The following CTNNA3 variants were observed in gnomAD, a reference collection of about 807,000 sequenced individuals.
The protein encoded by CTNNA3 is catenin alpha 3.
Under a neutral mutation model 95.7 loss-of-function variants are expected in CTNNA3, and 76 were observed. The observed-to-expected ratio is 0.79, with a 90% CI of 0.66 to 0.96. The LOEUF (loss-of-function observed/expected upper bound fraction) is 0.96. Among genes scored for constraint, CTNNA3 ranks in the 40% least tolerant of loss-of-function variants. The pLI is 0.00. For missense variants in CTNNA3, 1,191 were observed against 1,089.8 expected (o/e 1.09, Z -1.31); for synonymous variants, 431 against 374.4 (o/e 1.15, Z -1.74).
At chr10:67,136,172 T>C (rs892389409) in intron 7 of CTNNA3, among the ~76,000 whole-genome samples, 1 of 152,112 alleles carries the variant, frequency 6.6e-6, no homozygotes, top group African/African-American at 2.4e-5. Context: ...TTTTGTTTGG[T>C]TGGTTTTTTT....
intron 11 of CTNNA3, among the ~76,000 whole-genome samples, chr10:66,448,691 G>C (rs978090718): frequency 2.6e-5 from 4 of 151,906 alleles, no homozygotes; most frequent in Admixed American, 6.6e-5. Flanking sequence ...GTGGGGGAAG[G>C]GGGGTGGGAT....
intron 12 of CTNNA3, among the ~76,000 whole-genome samples, chr10:66,333,237 G>T (rs2092353246): frequency 6.6e-6 from 1 of 151,834 alleles, no homozygotes; most frequent in Admixed American, 6.6e-5. Context: ...CTTCAGTTCT[G>T]CTCTGATCTT....
intron 5 of CTNNA3, among the ~76,000 whole-genome samples, chr10:67,239,361 G>A (rs1229906629): frequency 4.0e-5 from 2 of 49,442 alleles, no homozygotes; most frequent in Non-Finnish European, 8.4e-5. Context: ...ACAGCTACAC[G>A]TGATAAAAAA....
chr10:67,366,199 G>A (rs1320634519), intron 5 of CTNNA3, among the ~76,000 whole-genome samples: 1 of 152,012 alleles, frequency 6.6e-6, no homozygotes, highest in African/African-American at 2.4e-5. Flanking sequence ...CACACACCAG[G>A]GCCTGTCGGG....
At chr10:65,930,431 C>A (rs2077234890) in intron 17 of CTNNA3, among the ~76,000 whole-genome samples, 1 of 152,080 alleles carries the variant, frequency 6.6e-6, no homozygotes, top group South Asian at 2.1e-4. Context: ...TGCTTGTCAG[C>A]AGTCTGTCAA....
chr10:66,084,135 C>CAAAAAAAAAAAAAA (rs200266418), intron 14 of CTNNA3, among the ~76,000 whole-genome samples: 2 of 80,106 alleles, frequency 2.5e-5, no homozygotes. Flanking sequence ...AACTTCATCT[C>CAAAAAAAAAAAAAA]AAAAAAAAAA....
In CTNNA3 at chr10:67,725,556, C is replaced by A. The variant is rs537151934; in HGVS notation, c.-2+37878G>T. Among the ~76,000 whole-genome samples, 3 of 151,962 alleles carry A rather than the reference C, an allele frequency of 2.0e-5. No individual in the cohort carries two copies. In the East Asian group the frequency reaches 5.8e-4, roughly 29 times the overall value. ...ACACTTTTATTTCTCCCAGTGTTAT[C>A]ATTTGTCACATATCAGAGTCCCCTA... On this transcript the variant is annotated intron_variant, in intron 1 of 17. Coordinates refer to the CTNNA3 transcript ENST00000684154.
chr10:66,756,374 C>CTT (rs1839362725), intron 9 of CTNNA3, among the ~76,000 whole-genome samples: 1 of 152,124 alleles, frequency 6.6e-6, no homozygotes, highest in African/African-American at 2.4e-5. Flanking sequence ...CTTCAAGTTG[C>CTT]TTATACTTAA....
intron 8 of CTNNA3, among the ~76,000 whole-genome samples, chr10:66,772,658 AATACTC>A (rs1292698476): frequency 3.3e-5 from 5 of 152,166 alleles, no homozygotes; most frequent in African/African-American, 7.2e-5. Context: ...GAAACAAATA[AATACTC>A]TCGCCTCCTA....
chr10:65,925,176 AC>A (rs1314758863), intron 17 of CTNNA3, among the ~76,000 whole-genome samples: 1 of 152,164 alleles, frequency 6.6e-6, no homozygotes, highest in Non-Finnish European at 1.5e-5. Flanking sequence ...TATCCATTCT[AC>A]CCAAACACTA....
chr10:67,500,227 C>T (rs1219277304), intron 5 of CTNNA3, among the ~76,000 whole-genome samples: 3 of 152,046 alleles, frequency 2.0e-5, no homozygotes, highest in Admixed American at 6.5e-5. Flanking sequence ...TCAGTTTCCT[C>T]GTAGTTGTGC....
intron 11 of CTNNA3, among the ~76,000 whole-genome samples, chr10:66,480,881 G>C (rs1318758200): frequency 1.3e-5 from 2 of 152,142 alleles, no homozygotes; most frequent in East Asian, 3.9e-4. Flanking sequence ...GGGATTACAG[G>C]CGTGAGCCAC....
intron 12 of CTNNA3, among the ~76,000 whole-genome samples, chr10:66,356,703 C>T (rs1276956967): frequency 6.6e-6 from 1 of 151,986 alleles, no homozygotes; most frequent in Non-Finnish European, 1.5e-5. Flanking sequence ...AGGAAGAAAG[C>T]ATTCATTCTT....
intron 13 of CTNNA3, among the ~76,000 whole-genome samples, chr10:66,270,992 A>G (rs1218924993): frequency 6.6e-6 from 1 of 152,176 alleles, no homozygotes; most frequent in Non-Finnish European, 1.5e-5. Context: ...AGGGAAGTCT[A>G]TGGAGTCTAA....
intron 15 of CTNNA3, among the ~76,000 whole-genome samples, chr10:66,015,013 G>T (rs1343121724): frequency 6.6e-6 from 1 of 151,940 alleles, no homozygotes. Context: ...TGAAGCAGGA[G>T]AATTGCTTGA....
In CTNNA3 at chr10:67,433,328, T is replaced by C. The variant is rs1431725521; in HGVS notation, c.579+88514A>G. On this transcript the variant is annotated intron_variant, in intron 5 of 17. Coordinates refer to ENST00000433211, the MANE Select transcript of CTNNA3 (RefSeq NM_013266.4). The stretch of plus-strand genomic sequence containing the variant: ...CACCATCTCAAATGGGCTTGGTTTT[T>C]GGTCCCCAAAACAATTACAGTAGTA... 2.6e-5 allele frequency among the ~76,000 whole-genome samples: 4 copies of C among 152,180 alleles called. No homozygotes were observed. The East Asian group carries it at 7.7e-4, about 29-fold the overall frequency.
At chr10:66,412,351 C>T (rs2093112032) in intron 11 of CTNNA3, among the ~76,000 whole-genome samples, 1 of 151,272 alleles carries the variant, frequency 6.6e-6, no homozygotes, top group Admixed American at 6.6e-5. Flanking sequence ...GAAGAGGCCA[C>T]AAGGTTGAGA....
At chr10:67,339,577 T>C (rs1842107236) in intron 5 of CTNNA3, among the ~76,000 whole-genome samples, 3 of 152,148 alleles carry the variant, frequency 2.0e-5, no homozygotes, top group Non-Finnish European at 4.4e-5. Context: ...AAATAAGTTA[T>C]ACCTACAATA....
chr10:65,948,243 T>C (rs1162554668), intron 17 of CTNNA3, among the ~76,000 whole-genome samples: 1 of 139,782 alleles, frequency 7.2e-6, no homozygotes, highest in Non-Finnish European at 1.5e-5. Context: ...ATCATGCCAC[T>C]GCACTCCAGC....
Sources: allele counts gnomAD v4.1 joint callset (sites outside exome capture counted in the v4.1 genomes callset), GRCh38; gene constraint gnomAD v4.1.1; transcripts MANE v1.5; gene names NCBI Gene and HGNC (gene_info 2026-07-23, HGNC 2026-07-21).